CLASP1: variants seen among roughly 807,000 people sequenced by gnomAD.
CLASP1 encodes the protein CLIP-associating protein 1.
A neutral mutation model predicts 192.3 loss-of-function variants in CLASP1; 38 were observed. The observed-to-expected ratio is 0.20, with a 90% CI of 0.15 to 0.26. The LOEUF (loss-of-function observed/expected upper bound fraction) is 0.26, where lower values mean the gene tolerates loss of function less well. CLASP1 is among the 10% of genes least tolerant of loss of function. CLASP1 has a pLI of 1.00. For missense variants in CLASP1, 1,433 were observed against 1,932.5 expected (o/e 0.74, Z 4.85); for synonymous variants, 691 against 712.8 (o/e 0.97, Z 0.49).
intron 5 of CLASP1, among the ~76,000 whole-genome samples, chr2:121,526,624 C>T (rs2094581528): frequency 6.6e-6 from 1 of 151,798 alleles, no homozygotes; most frequent in Non-Finnish European, 1.5e-5. Flanking sequence ...AAAAGGCTAA[C>T]ATATTAAGAT....
chr2:121,365,436 G>A (rs939653860), intron 35 of CLASP1, among the ~76,000 whole-genome samples, 152 bp from the exon 37 acceptor site: 2 of 152,034 alleles, frequency 1.3e-5, no homozygotes, highest in African/African-American at 4.8e-5. Flanking sequence ...GCCCTGCTTC[G>A]CTGTCCGGCC....
intron 8 of CLASP1, among the ~76,000 whole-genome samples, chr2:121,480,086 A>G (rs2092461293): frequency 6.6e-6 from 1 of 152,230 alleles, no homozygotes; most frequent in South Asian, 2.1e-4. Context: ...GACGATCTCA[A>G]CAATGACACC....
chr2:121,538,617 C>T (rs1035051872), intron 2 of CLASP1, among the ~76,000 whole-genome samples: 1 of 151,702 alleles, frequency 6.6e-6, no homozygotes, highest in African/African-American at 2.4e-5. Flanking sequence ...GAAACCCCAT[C>T]TCTACTAAAG....
chr2:121,536,715 T>C, intron 2 of CLASP1, among the ~76,000 whole-genome samples: 1 of 152,230 alleles, frequency 6.6e-6, no homozygotes, highest in Admixed American at 6.5e-5. Context: ...TGGTTCCACT[T>C]ACATGAAACA....
intron 2 of CLASP1, chr2:121,603,192 A>G (rs1395138837): frequency 1.3e-5 from 2 of 151,946 alleles, no homozygotes; most frequent in African/African-American, 4.8e-5. Context: ...AGAATAAACA[A>G]GGAACTCAAA....
At chr2:121,624,324 T>A (rs1576555199) in intron 1 of CLASP1, among the ~76,000 whole-genome samples, 1 of 152,160 alleles carries the variant, frequency 6.6e-6, no homozygotes, top group South Asian at 2.1e-4. Context: ...CCCTAGCTTA[T>A]GATATATTCT....
intron 2 of CLASP1, among the ~76,000 whole-genome samples, chr2:121,534,498 AGTC>A: frequency 6.6e-6 from 1 of 152,186 alleles, no homozygotes; most frequent in South Asian, 2.1e-4. Context: ...CTAATAATCT[AGTC>A]CTCGGATTAT....
chr2:121,489,473 T>C (rs1054371833), intron 8 of CLASP1, among the ~76,000 whole-genome samples: 11 of 152,216 alleles, frequency 7.2e-5, no homozygotes, highest in Non-Finnish European at 1.0e-4. Context: ...GCAATTTTAC[T>C]CTGTGCAATA....
At chr2:121,533,869 G>A (rs2094965391) in intron 2 of CLASP1, among the ~76,000 whole-genome samples, 1 of 152,194 alleles carries the variant, frequency 6.6e-6, no homozygotes, top group Non-Finnish European at 1.5e-5. Flanking sequence ...AAACCCTACT[G>A]TATTGATGTG....
chr2:121,347,294 C>T (rs193289054), intron 38 of CLASP1, 140 bp from the exon 40 acceptor site: 83 of 621,658 alleles, frequency 1.3e-4, no homozygotes, highest in African/African-American at 9.4e-4. Context: ...ACCTCAGCCC[C>T]GCAATGGAAT....
At position 121,449,217 on chromosome 2, in the gene CLASP1, A is replaced by G. The variant is rs956133344; in HGVS notation, c.1524-97T>C. 1.5e-5 allele frequency: 16 copies of G among 1,087,640 alleles called. No individual in the cohort carries two copies. In the African/African-American group the frequency reaches 2.4e-4, roughly 16 times the overall value. The allele number at this position is 1,087,640 out of a possible 1,614,324, so 67.4% of individuals were successfully genotyped here. On this transcript the variant is annotated intron_variant, in intron 16 of 39. Coordinates refer to ENST00000263710, the Ensembl canonical transcript of CLASP1. ...ACCACAGAAGATTTTCAAGGACTGG[A>G]AGCCTCAGTTTAGCCGCTAATAGTA... is the stretch of plus-strand genomic sequence containing the variant.
intron 23 of CLASP1, among the ~76,000 whole-genome samples, chr2:121,416,173 A>C (rs183153628): frequency 6.6e-6 from 1 of 152,260 alleles, no homozygotes; most frequent in Admixed American, 6.5e-5. Flanking sequence ...GAATATTCTA[A>C]AAAAAATCTG....
intron 8 of CLASP1, among the ~76,000 whole-genome samples, chr2:121,499,480 T>TA (rs1323442892): frequency 2.0e-5 from 3 of 148,468 alleles, no homozygotes; most frequent in Non-Finnish European, 4.5e-5. Flanking sequence ...TAGATTTAAA[T>TA]AGTGGTAATA....
At chr2:121,600,755 T>C (rs1486552380) in intron 2 of CLASP1, among the ~76,000 whole-genome samples, 1 of 152,254 alleles carries the variant, frequency 6.6e-6, no homozygotes, top group Non-Finnish European at 1.5e-5. Context: ...ACATCCATGC[T>C]ACCCCAGTCC....
intron 23 of CLASP1, among the ~76,000 whole-genome samples, chr2:121,413,785 G>C (rs777467884): frequency 6.6e-6 from 1 of 152,136 alleles, no homozygotes; most frequent in Non-Finnish European, 1.5e-5. Context: ...ACTTTGGAAG[G>C]GAAAGAATCT....
At chr2:121,377,187 G>A (rs141088418) in intron 34 of CLASP1, among the ~76,000 whole-genome samples, 1 of 152,106 alleles carries the variant, frequency 6.6e-6, no homozygotes, top group African/African-American at 2.4e-5. Context: ...ACAGTTTATT[G>A]TGTATTTCCA....
At position 121,605,904 on chromosome 2, in the gene CLASP1, T is replaced by G. The variant is rs761026838; in HGVS notation, c.-9A>C. 2.5e-6 allele frequency: 4 copies of G among 1,612,420 alleles called. No individual in the cohort carries two copies. The Admixed American group carries it at 6.7e-5, about 27-fold the overall frequency. On this transcript the variant is annotated 5_prime_UTR_variant, in exon 2 of 40. Transcript: ENST00000263710. ...TCCATGCGAGGCTCCATAGTGGAAT[T>G]CAAATCCAGATCCAGCAAAAGCTAG...
At chr2:121,439,430 T>A (rs539421045) in intron 19 of CLASP1, among the ~76,000 whole-genome samples, 30 of 152,294 alleles carry the variant, frequency 2.0e-4, no homozygotes, top group Admixed American at 9.2e-4. Flanking sequence ...AGGGTGTCAA[T>A]TTTGGATCTT....
chr2:121,452,876 C>T (rs1401918812), intron 14 of CLASP1, among the ~76,000 whole-genome samples: 3 of 152,180 alleles, frequency 2.0e-5, no homozygotes, highest in Non-Finnish European at 2.9e-5. Flanking sequence ...TCCTAATAGT[C>T]CTAGGAACCC....
Sources: gnomAD v4.1 joint callset for allele counts (sites outside exome capture counted in the v4.1 genomes callset) on GRCh38, gnomAD v4.1.1 for gene constraint, MANE v1.5 for transcripts, NCBI Gene and HGNC (gene_info 2026-07-23, HGNC 2026-07-21) for gene names.